Variants in SERTM2 observed in about 807,000 individuals in gnomAD.
SERTM2 encodes the protein serine-rich and transmembrane domain-containing protein 2.
chrX:111,516,039 T>C (rs1173844914), intron 2 of SERTM2, among the ~76,000 whole-genome samples: 4 of 109,360 alleles, frequency 3.7e-5, no homozygotes. Flanking sequence ...TATAGAAGTC[T>C]GGAATCATGG....
intron 2 of SERTM2, among the ~76,000 whole-genome samples, chrX:111,514,838 AT>A (rs1930282528): frequency 9.0e-6 from 1 of 111,387 alleles, no homozygotes; most frequent in South Asian, 3.7e-4. Flanking sequence ...AGTTTGGTAT[AT>A]TTTTTATAAA....
At position 111,519,628 on chromosome X, in the gene SERTM2, C is replaced by T. The variant is rs1383288490; in HGVS notation, c.*498C>T. 2 of 112,096 alleles carry T rather than the reference C, an allele frequency of 1.8e-5. No homozygotes were observed. Among genetic ancestry groups the T allele is most frequent in the Non-Finnish European group, 3.8e-5 (2 of 53,227 alleles). 9.2% of individuals were successfully genotyped at this position (112,096 alleles called of 1,213,427 possible). ...GAAGTTAATGGAAGAGAAGCCCTTT[C>T]CCTAAACAGCAGTGATTTGATCATC... On this transcript the variant is annotated 3_prime_UTR_variant, in exon 3 of 3. Coordinates refer to ENST00000569275, the MANE Select transcript of SERTM2 (RefSeq NM_001354473.2).
intron 2 of SERTM2, among the ~76,000 whole-genome samples, chrX:111,517,239 A>C (rs1203956235): frequency 9.0e-6 from 1 of 111,138 alleles, no homozygotes; most frequent in Non-Finnish European, 1.9e-5. Flanking sequence ...GGAAGCCTGC[A>C]TTCCTGAATG....
At chrX:111,512,933 C>A (rs949563253) in intron 2 of SERTM2, among the ~76,000 whole-genome samples, 8 of 111,479 alleles carry the variant, frequency 7.2e-5, no homozygotes, top group Non-Finnish European at 1.1e-4. Flanking sequence ...ATTTTATTTA[C>A]CAAATTAATG....
rs761952622 is a variant in SERTM2 at position 111,518,803 on chromosome X, G to T, written c.-55G>T. The T allele has an allele frequency of 1.2e-4, 36 of 295,229 alleles. No individual in the cohort carries two copies. In the South Asian group the frequency reaches 2.7e-3, roughly 22 times the overall value. 24.3% of individuals were successfully genotyped at this position (295,229 alleles called of 1,213,427 possible). On this transcript the variant is annotated 5_prime_UTR_variant, in exon 3 of 3. An upstream start codon of the reference 5' UTR is lost. Coordinates refer to ENST00000569275, the MANE Select transcript of SERTM2 (RefSeq NM_001354473.2). ...GAGACAGTCTAAGTGACTGTGAAAT[G>T]CCTCAAGGGCAGTAGAAATCAAATA...
At chrX:111,514,678 G>A (rs1191280348) in intron 2 of SERTM2, among the ~76,000 whole-genome samples, 4 of 111,666 alleles carry the variant, frequency 3.6e-5, no homozygotes, top group South Asian at 3.7e-4. Context: ...AGCCTTAAAT[G>A]TCAAGCTAAG....
In SERTM2 at chrX:111,522,195, A is replaced by C. The variant is rs1347755180; in HGVS notation, c.*3065A>C. ...TTTCAATGGTTATATTTAGTAATAC[A>C]TTTTATTCACTTGCATTTGTACAAA... On this transcript the variant is annotated 3_prime_UTR_variant, in exon 3 of 3. Coordinates refer to ENST00000569275, the MANE Select transcript of SERTM2 (RefSeq NM_001354473.2). The C allele has an allele frequency of 1.8e-5, 2 of 112,116 alleles. No individual in the cohort carries two copies. The highest frequency in any genetic ancestry group is 5.6e-4 in the East Asian group (2 of 3,584). The allele number at this position is 112,116 out of a possible 1,213,427, so 9.2% of individuals were successfully genotyped here. A position where few individuals can be genotyped will look rare whatever the true frequency, so the allele number is the denominator to read the frequency against.
chrX:111,517,122 T>C (rs1162244952), intron 2 of SERTM2, among the ~76,000 whole-genome samples: 1 of 111,401 alleles, frequency 9.0e-6, no homozygotes, highest in Non-Finnish European at 1.9e-5. Flanking sequence ...TTGCTCAGAA[T>C]AGGCATACCC....
chrX:111,518,185 C>T lies in SERTM2; in HGVS notation c.-673C>T. The T allele has an allele frequency of 9.0e-6, 1 of 111,506 alleles. No homozygotes were observed. Among genetic ancestry groups the T allele is most frequent in the East Asian group, 2.8e-4 (1 of 3,543 alleles). The allele number at this position is 111,506 out of a possible 1,213,427, so 9.2% of individuals were successfully genotyped here. On this transcript the variant is annotated 5_prime_UTR_variant, in exon 3 of 3. Transcript: ENST00000569275. ...ACCTGAGAATTACCAGGTCTGACAA[C>T]ACTTTCCCTCCAGCCTACAGTGAGG...
At position 111,512,089 on chromosome X, in the gene SERTM2, G is replaced by A. The variant is rs1346886506; in HGVS notation, c.-789G>A. On this transcript the variant is annotated 5_prime_UTR_variant, in exon 2 of 3. Coordinates refer to ENST00000569275, the MANE Select transcript of SERTM2 (RefSeq NM_001354473.2). ...CCAATCCTATTCATACTGTGGGCCA[G>A]GAGAGGTAAGAAATATTTGGAAATA... 1 of 294,129 alleles carries A rather than the reference G, an allele frequency of 3.4e-6. No homozygotes were observed. Among genetic ancestry groups the A allele is most frequent in the Non-Finnish European group, 5.9e-6 (1 of 168,735 alleles). 24.2% of individuals were successfully genotyped at this position (294,129 alleles called of 1,213,427 possible).
chrX:111,515,484 T>A (rs1027305747), intron 2 of SERTM2, among the ~76,000 whole-genome samples: 4 of 111,250 alleles, frequency 3.6e-5, no homozygotes, highest in Non-Finnish European at 7.6e-5. Context: ...GTGGGCTGTC[T>A]GGGACTGTTA....
rs1397161322 is a variant in SERTM2, at chrX:111,520,243, T to C, written c.*1113T>C. The C allele has an allele frequency of 8.9e-6, 1 of 111,787 alleles. No individual in the cohort carries two copies. Among genetic ancestry groups the C allele is most frequent in the Non-Finnish European group, 1.9e-5 (1 of 53,129 alleles). 9.2% of individuals were successfully genotyped at this position (111,787 alleles called of 1,213,427 possible). A position where few individuals can be genotyped will look rare whatever the true frequency, so the allele number is the denominator to read the frequency against. On this transcript the variant is annotated 3_prime_UTR_variant, in exon 3 of 3. Transcript: ENST00000569275. ...ATAAGAGAATTATATTTTGAAAAAT[T>C]CCATTCTCATAAGTAGCCCTAGTAT... is the stretch of plus-strand genomic sequence containing the variant.
intron 2 of SERTM2, among the ~76,000 whole-genome samples, chrX:111,515,907 G>A (rs1460953233): frequency 9.0e-6 from 1 of 110,772 alleles, no homozygotes; most frequent in Non-Finnish European, 1.9e-5. Context: ...CTGCCCCAAA[G>A]GTTCCAAAAC....
At position 111,519,367 on chromosome X, in the gene SERTM2, G is replaced by A. The variant is rs1226023443; in HGVS notation, c.*237G>A. ...ATAGGAAAAGACAGCTGGTTGGGAG[G>A]GCTGGTTTCCATAGTAACCAAACAG... On this transcript the variant is annotated 3_prime_UTR_variant, in exon 3 of 3. Coordinates refer to ENST00000569275, the MANE Select transcript of SERTM2 (RefSeq NM_001354473.2). 6 of 216,833 alleles carry A rather than the reference G, an allele frequency of 2.8e-5. No homozygotes were observed. In the Admixed American group the frequency reaches 4.4e-4, roughly 16 times the overall value. The allele number at this position is 216,833 out of a possible 1,213,427, so 17.9% of individuals were successfully genotyped here. A position where few individuals can be genotyped will look rare whatever the true frequency, so the allele number is the denominator to read the frequency against.
In SERTM2 at chrX:111,522,336, G is replaced by A. The variant is rs752000520; in HGVS notation, c.*3206G>A. ...ATTGTATAAAAATGGAAATATATTT[G>A]CATTAATATTTAGCATGTCATTTTT... On this transcript the variant is annotated 3_prime_UTR_variant, in exon 3 of 3. Coordinates refer to ENST00000569275, the MANE Select transcript of SERTM2 (RefSeq NM_001354473.2). The A allele has an allele frequency of 9.0e-6, 1 of 111,604 alleles. No individual in the cohort carries two copies. Among genetic ancestry groups the A allele is most frequent in the African/African-American group, 3.3e-5 (1 of 30,657 alleles). 9.2% of individuals were successfully genotyped at this position (111,604 alleles called of 1,213,427 possible). A position where few individuals can be genotyped will look rare whatever the true frequency, so the allele number is the denominator to read the frequency against.
chrX:111,516,632 A>ATCTC (rs762410119), intron 2 of SERTM2, among the ~76,000 whole-genome samples: 1 of 107,629 alleles, frequency 9.3e-6, no homozygotes, highest in Non-Finnish European at 1.9e-5. Context: ...GATATTATAT[A>ATCTC]TCTCTCTCTC....
Position 111,520,459 on chromosome X carries a change from C to T in SERTM2, c.*1329C>T, listed in dbSNP as rs1453920688. On this transcript the variant is annotated 3_prime_UTR_variant, in exon 3 of 3. Coordinates refer to ENST00000569275, the MANE Select transcript of SERTM2 (RefSeq NM_001354473.2). ...TTATCTTTTGTACCTAAAGGGGGGT[C>T]ATCAAATTTCACAGAGTACTCTCTC... The T allele has an allele frequency of 9.0e-6, 1 of 111,498 alleles. No homozygotes were observed. The highest frequency in any genetic ancestry group is 2.8e-4 in the East Asian group (1 of 3,563). The allele number at this position is 111,498 out of a possible 1,213,427, so 9.2% of individuals were successfully genotyped here.
In SERTM2 at chrX:111,519,346, G is replaced by A. The variant is rs1030181938; in HGVS notation, c.*216G>A. 2.5e-5 allele frequency: 6 copies of A among 240,962 alleles called. No individual in the cohort carries two copies. Among genetic ancestry groups the A allele is most frequent in the African/African-American group, 1.7e-4 (6 of 35,155 alleles). The allele number at this position is 240,962 out of a possible 1,213,427, so 19.9% of individuals were successfully genotyped here. On this transcript the variant is annotated 3_prime_UTR_variant, in exon 3 of 3. Coordinates refer to ENST00000569275, the MANE Select transcript of SERTM2 (RefSeq NM_001354473.2). ...AAGACTCACTCTGAAAGGAATATAG[G>A]AAAAGACAGCTGGTTGGGAGGGCTG...
At chrX:111,512,526 T>C (rs2147487925) in intron 2 of SERTM2, among the ~76,000 whole-genome samples, 1 of 111,671 alleles carries the variant, frequency 9.0e-6, no homozygotes, top group African/African-American at 3.2e-5. Context: ...CCCAGAACCT[T>C]ATCATGTTAA....
Sources: allele counts gnomAD v4.1 joint callset (sites outside exome capture counted in the v4.1 genomes callset), GRCh38; gene constraint gnomAD v4.1.1; transcripts MANE v1.5; gene names NCBI Gene and HGNC (gene_info 2026-07-23, HGNC 2026-07-21).